ERBB4: variants seen among roughly 807,000 people sequenced by gnomAD.
ERBB4 encodes the protein erb-b2 receptor tyrosine kinase 4.
In ERBB4, 42 loss-of-function variants were observed where a neutral mutation model predicts 158.0. The observed-to-expected ratio is 0.27, with a 90% confidence interval of 0.21 to 0.34. The LOEUF is 0.34. ERBB4 is among the 10% of genes least tolerant of loss of function. The probability of loss-of-function intolerance (pLI) is 1.00; values close to 1 mark genes in which losing one functional copy is unlikely to be tolerated. For missense variants in ERBB4, 1,333 were observed against 1,624.1 expected, an observed-to-expected ratio of 0.82 and a Z score of 3.08; for synonymous variants, 583 against 558.7, an observed-to-expected ratio of 1.04 and a Z score of -0.61.
chr2:211,539,378 G>A (rs764569968), intron 20 of ERBB4, among the ~76,000 whole-genome samples: 3 of 151,880 alleles, frequency 2.0e-5, no homozygotes, highest in Non-Finnish European at 2.9e-5. Context: ...AACATACCAC[G>A]TCTGTAGAAT....
At chr2:211,780,568 T>A (rs978140874) in intron 4 of ERBB4, among the ~76,000 whole-genome samples, 2 of 150,806 alleles carry the variant, frequency 1.3e-5, no homozygotes. Context: ...CCTCTTCTTA[T>A]AAATAGAGTG....
intron 25 of ERBB4, among the ~76,000 whole-genome samples, chr2:211,404,923 G>A (rs1016162004): frequency 2.6e-5 from 4 of 152,094 alleles, no homozygotes; most frequent in African/African-American, 9.7e-5. Flanking sequence ...TTGGAGAAAT[G>A]AGAGAAGAGA....
intron 2 of ERBB4, among the ~76,000 whole-genome samples, chr2:212,033,232 A>G (rs1288224214): frequency 6.6e-6 from 1 of 152,016 alleles, no homozygotes; most frequent in Non-Finnish European, 1.5e-5. Flanking sequence ...TAGATAGGCA[A>G]TTTGGAAAAA....
At chr2:212,128,897 A>G (rs1408523382) in intron 1 of ERBB4, among the ~76,000 whole-genome samples, 1 of 152,126 alleles carries the variant, frequency 6.6e-6, no homozygotes, top group Non-Finnish European at 1.5e-5. Context: ...AGTCCAAGAT[A>G]TTTTTCATTA....
chr2:212,088,103 C>A (rs1575614512), intron 2 of ERBB4, among the ~76,000 whole-genome samples: 1 of 152,082 alleles, frequency 6.6e-6, no homozygotes, highest in Non-Finnish European at 1.5e-5. Context: ...GAAAGTTCAT[C>A]ATCTAATTAA....
At chr2:211,946,461 T>C (rs2080693588) in intron 3 of ERBB4, among the ~76,000 whole-genome samples, 1 of 151,280 alleles carries the variant, frequency 6.6e-6, no homozygotes. Flanking sequence ...AAAGTACATA[T>C]AAAACCACTA....
intron 4 of ERBB4, among the ~76,000 whole-genome samples, chr2:211,760,677 C>T (rs1044913264): frequency 1.3e-5 from 2 of 152,094 alleles, no homozygotes; most frequent in Non-Finnish European, 2.9e-5. Context: ...TAACTTATTT[C>T]ACTTTGTTTT....
intron 1 of ERBB4, among the ~76,000 whole-genome samples, chr2:212,458,153 T>C (rs74666130): frequency 0.05 from 7,661 of 152,196 alleles, 281 homozygotes; most frequent in Middle Eastern, 0.088. Context: ...TTGCTGAGCA[T>C]GTAAAAACAA....
At chr2:211,929,519 G>A (rs1288241026) in intron 3 of ERBB4, among the ~76,000 whole-genome samples, 1 of 152,012 alleles carries the variant, frequency 6.6e-6, no homozygotes, top group Non-Finnish European at 1.5e-5. Flanking sequence ...ATACACTTCA[G>A]CCTGTGGGCA....
At chr2:211,654,927 A>G (rs984286706) in intron 16 of ERBB4, among the ~76,000 whole-genome samples, 1 of 152,188 alleles carries the variant, frequency 6.6e-6, no homozygotes, top group Non-Finnish European at 1.5e-5. Flanking sequence ...GTCTGAGATT[A>G]CTGGAATCTC....
chr2:212,441,564 C>G (rs1194080540), intron 1 of ERBB4, among the ~76,000 whole-genome samples: 1 of 152,062 alleles, frequency 6.6e-6, no homozygotes, highest in African/African-American at 2.4e-5. Flanking sequence ...ACCTGGAGAA[C>G]AGGCATAGAA....
intron 3 of ERBB4, among the ~76,000 whole-genome samples, chr2:211,851,374 T>A (rs1220613382): frequency 6.6e-6 from 1 of 151,920 alleles, no homozygotes; most frequent in Non-Finnish European, 1.5e-5. Context: ...TAAATTGGCT[T>A]AATCCAATTC....
intron 2 of ERBB4, among the ~76,000 whole-genome samples, chr2:212,099,295 T>G (rs1323799027): frequency 1.3e-5 from 2 of 151,964 alleles, no homozygotes; most frequent in Admixed American, 1.3e-4. Context: ...AAAATTCTTA[T>G]TCCTGAAACT....
chr2:212,281,942 C>T (rs573206685), intron 1 of ERBB4, among the ~76,000 whole-genome samples: 12 of 151,732 alleles, frequency 7.9e-5, no homozygotes, highest in African/African-American at 2.7e-4. Context: ...ATACACGATA[C>T]GTTTATAAAA....
intron 1 of ERBB4, among the ~76,000 whole-genome samples, chr2:212,328,299 T>C (rs1054295774): frequency 1.4e-4 from 21 of 152,022 alleles, no homozygotes; most frequent in Non-Finnish European, 2.8e-4. Flanking sequence ...ACTAATGCAG[T>C]GGCTCAGAGC....
intron 16 of ERBB4, among the ~76,000 whole-genome samples, chr2:211,634,489 G>A (rs2070280705): frequency 6.6e-6 from 1 of 151,994 alleles, no homozygotes; most frequent in African/African-American, 2.4e-5. Context: ...GTAAGTATAG[G>A]ATAGATATCT....
intron 3 of ERBB4, among the ~76,000 whole-genome samples, chr2:211,844,168 A>G (rs986430252): frequency 6.6e-6 from 1 of 152,164 alleles, no homozygotes; most frequent in African/African-American, 2.4e-5. Context: ...ATGAATGAAC[A>G]CATACGTAAA....
At chr2:211,846,661 A>C (rs2077596608) in intron 3 of ERBB4, among the ~76,000 whole-genome samples, 2 of 152,110 alleles carry the variant, frequency 1.3e-5, no homozygotes, top group South Asian at 2.1e-4. Flanking sequence ...TCATTATCCT[A>C]CTTTAAATGT....
chr2:211,461,234 A>C (rs1232346359), intron 20 of ERBB4, among the ~76,000 whole-genome samples: 1 of 152,178 alleles, frequency 6.6e-6, no homozygotes, highest in African/African-American at 2.4e-5. Flanking sequence ...CAAATGACTC[A>C]CTTGGTTCTT....
Sources: gnomAD v4.1 joint callset for allele counts (sites outside exome capture counted in the v4.1 genomes callset) on GRCh38, gnomAD v4.1.1 for gene constraint, MANE v1.5 for transcripts, NCBI Gene and HGNC (gene_info 2026-07-23, HGNC 2026-07-21) for gene names.